The following ZBTB20 variants were observed in gnomAD, a reference collection of about 807,000 sequenced individuals.
ZBTB20 encodes zinc finger and BTB domain containing 20.
A neutral mutation model predicts 56.9 loss-of-function variants in ZBTB20; 9 were observed. The observed-to-expected ratio is 0.16, with a 90% CI of 0.10 to 0.28. ZBTB20 has a LOEUF of 0.28. ZBTB20 is among the 10% of genes least tolerant of loss of function. The pLI, the probability that ZBTB20 is intolerant of heterozygous loss-of-function variation, is 1.00. For synonymous variants in ZBTB20, 417 were observed against 420.7 expected (o/e 0.99, Z 0.11); for missense variants, 655 against 1,003.0 (o/e 0.65, Z 4.69).
chr3:114,596,806 A>G (rs374569660), intron 6 of ZBTB20, among the ~76,000 whole-genome samples: 2 of 152,320 alleles, frequency 1.3e-5, no homozygotes, highest in South Asian at 2.1e-4. Flanking sequence ...CTGACATGAA[A>G]GCATGTGGCA....
intron 6 of ZBTB20, among the ~76,000 whole-genome samples, chr3:114,664,883 A>C (rs996108887): frequency 7.9e-5 from 12 of 152,102 alleles, no homozygotes; most frequent in Non-Finnish European, 1.8e-4. Context: ...ATCTATCAAA[A>C]TGACTTACTT....
intron 6 of ZBTB20, among the ~76,000 whole-genome samples, chr3:114,590,490 A>C (rs1577803384): frequency 6.9e-6 from 1 of 144,370 alleles, no homozygotes; most frequent in Admixed American, 7.2e-5. Flanking sequence ...AAATTTATTT[A>C]TTAATTTATT....
intron 4 of ZBTB20, among the ~76,000 whole-genome samples, chr3:114,862,958 G>A (rs1409462560): frequency 6.6e-6 from 1 of 152,074 alleles, no homozygotes; most frequent in Non-Finnish European, 1.5e-5. Flanking sequence ...ATTGGAAGAG[G>A]TTCTAGGAAT....
At position 114,319,801 on chromosome 3, in the gene ZBTB20, CAAGCATATACATATATATATATATAT is replaced by C. The variant is rs1465136462; in HGVS notation, c.*19178_*19203del. ...CATACATCTTGAAAAACCACTTTCTCAAGCATATACATATATATATATATATAAGCATATACATATATATATACACA... is the reference window on the plus strand; with the variant it reads ...CATACATCTTGAAAAACCACTTTCTCAAGCATATACATATATATATACACA... On this transcript the variant is annotated 3_prime_UTR_variant, in exon 12 of 12. Coordinates refer to ENST00000675478, the MANE Select transcript of ZBTB20 (RefSeq NM_001348800.3). 1.4e-3 allele frequency: 101 copies of C among 74,164 alleles called. No homozygotes were observed. The highest frequency in any genetic ancestry group is 8.5e-3 in the East Asian group (23 of 2,708). The allele number at this position is 74,164 out of a possible 1,614,324, so 4.6% of individuals were successfully genotyped here.
chr3:114,587,991 G>A (rs557400965), intron 6 of ZBTB20, among the ~76,000 whole-genome samples: 3 of 152,220 alleles, frequency 2.0e-5, no homozygotes, highest in East Asian at 1.9e-4. Flanking sequence ...ACATATCTCC[G>A]TGCTATGAAT....
chr3:115,060,212 C>A (rs1319988384), intron 2 of ZBTB20, among the ~76,000 whole-genome samples: 1 of 152,098 alleles, frequency 6.6e-6, no homozygotes, highest in East Asian at 1.9e-4. Context: ...AATCCTGACC[C>A]AACTAGTTTA....
Position 114,827,075 on chromosome 3 carries a change from T to A in ZBTB20, c.-416-25901A>T, listed in dbSNP as rs1222448440. 2.6e-5 allele frequency among the ~76,000 whole-genome samples: 4 copies of A among 151,720 alleles called. No homozygotes were observed. The East Asian group carries it at 7.7e-4, about 29-fold the overall frequency. ...CCAATCATAATTTTAGAGCAAATTATCTATAAAGTCAATTAATAATTTGCC... is the reference window on the plus strand; with the variant it reads ...CCAATCATAATTTTAGAGCAAATTAACTATAAAGTCAATTAATAATTTGCC... On this transcript the variant is annotated intron_variant, in intron 4 of 11. Coordinates refer to ENST00000675478, the MANE Select transcript of ZBTB20 (RefSeq NM_001348800.3).
intron 3 of ZBTB20, among the ~76,000 whole-genome samples, chr3:114,925,946 G>A (rs553000679): frequency 6.6e-6 from 1 of 152,288 alleles, no homozygotes; most frequent in African/African-American, 2.4e-5. Flanking sequence ...GTTCTCATGG[G>A]ACATTAATTT....
chr3:114,640,098 G>A (rs2059478327), intron 6 of ZBTB20, among the ~76,000 whole-genome samples: 1 of 151,780 alleles, frequency 6.6e-6, no homozygotes, highest in South Asian at 2.1e-4. Context: ...TGCCAAATGG[G>A]TTTTCCCATT....
chr3:115,045,411 A>T (rs902990544), intron 2 of ZBTB20, among the ~76,000 whole-genome samples: 1 of 152,130 alleles, frequency 6.6e-6, no homozygotes, highest in East Asian at 1.9e-4. Context: ...CATCATTTTT[A>T]TAAGTAAGAT....
At chr3:114,627,303 G>C (rs2058706476) in intron 6 of ZBTB20, among the ~76,000 whole-genome samples, 1 of 152,114 alleles carries the variant, frequency 6.6e-6, no homozygotes, top group African/African-American at 2.4e-5. Context: ...CATGTTTATT[G>C]TATCTTATTT....
At chr3:114,426,667 G>A (rs1014866939) in intron 7 of ZBTB20, among the ~76,000 whole-genome samples, 3 of 152,102 alleles carry the variant, frequency 2.0e-5, no homozygotes, top group African/African-American at 4.8e-5. Flanking sequence ...AATCCCTCAT[G>A]CACTGAAGAA....
intron 6 of ZBTB20, among the ~76,000 whole-genome samples, chr3:114,670,855 A>G (rs2061325823): frequency 6.6e-6 from 1 of 152,162 alleles, no homozygotes; most frequent in Admixed American, 6.6e-5. Context: ...AAAAGAGACA[A>G]TGGGTCAAAT....
intron 4 of ZBTB20, among the ~76,000 whole-genome samples, chr3:114,855,736 G>C (rs1283793453): frequency 6.6e-6 from 1 of 152,208 alleles, no homozygotes; most frequent in African/African-American, 2.4e-5. Context: ...ATACACTGCT[G>C]AGTCTTCATT....
At chr3:114,355,674 G>A (rs2081177738) in intron 10 of ZBTB20, among the ~76,000 whole-genome samples, 1 of 152,106 alleles carries the variant, frequency 6.6e-6, no homozygotes, top group African/African-American at 2.4e-5. Flanking sequence ...GATTCCAATG[G>A]AATAAATCTG....
intron 5 of ZBTB20, among the ~76,000 whole-genome samples, chr3:114,720,502 C>A (rs1003002011): frequency 6.6e-6 from 1 of 151,988 alleles, no homozygotes; most frequent in Non-Finnish European, 1.5e-5. Context: ...GCCTGGTTAT[C>A]CATATCCACA....
chr3:114,661,388 C>A (rs1261498057), intron 6 of ZBTB20, among the ~76,000 whole-genome samples: 2 of 152,124 alleles, frequency 1.3e-5, no homozygotes, highest in Non-Finnish European at 2.9e-5. Flanking sequence ...CCGTTCTTCC[C>A]ATATTTAGTA....
At chr3:114,852,974 C>A (rs373237168) in intron 4 of ZBTB20, among the ~76,000 whole-genome samples, 23 of 152,154 alleles carry the variant, frequency 1.5e-4, no homozygotes, top group African/African-American at 5.3e-4. Flanking sequence ...TTTAGATTAG[C>A]GGGAGTTCCA....
chr3:114,676,209 T>G (rs2061616280), intron 6 of ZBTB20, among the ~76,000 whole-genome samples: 1 of 152,222 alleles, frequency 6.6e-6, no homozygotes, highest in African/African-American at 2.4e-5. Flanking sequence ...CTCAACAAAT[T>G]ACGTATTCAT....
Sources: allele counts gnomAD v4.1 joint callset (sites outside exome capture counted in the v4.1 genomes callset), GRCh38; gene constraint gnomAD v4.1.1; transcripts MANE v1.5; gene names NCBI Gene and HGNC (gene_info 2026-07-23, HGNC 2026-07-21).